Variants in ITPKA observed in about 807,000 individuals in gnomAD.
The protein encoded by ITPKA is inositol-trisphosphate 3-kinase A.
ITPKA carries 16 observed loss-of-function variants against 40.7 expected under a neutral mutation model. The ratio of observed to expected loss-of-function variants is 0.39; its 90% confidence interval spans 0.27 to 0.60. The LOEUF (loss-of-function observed/expected upper bound fraction) is 0.60. Among genes scored for constraint, ITPKA ranks in the 20% least tolerant of loss-of-function variants. The probability of loss-of-function intolerance (pLI) is 0.50; values close to 1 mark genes in which losing one functional copy is unlikely to be tolerated. For missense variants in ITPKA, 540 were observed against 649.3 expected, an observed-to-expected ratio of 0.83 and a Z score of 1.83; for synonymous variants, 313 against 289.9, an observed-to-expected ratio of 1.08 and a Z score of -0.81.
chr15:41,496,760 T>C (rs1279026489), intron 1 of ITPKA, among the ~76,000 whole-genome samples: 4 of 152,218 alleles, frequency 2.6e-5, no homozygotes, highest in African/African-American at 9.6e-5. Flanking sequence ...ACAGACTTCC[T>C]TTTTAAACAG....
chr15:41,503,073 C>T lies in ITPKA; in HGVS notation c.1293C>T (p.His431=). 1.9e-6 allele frequency: 3 copies of T among 1,608,920 alleles called. No individual in the cohort carries two copies. Among genetic ancestry groups the T allele is most frequent in the South Asian group, 1.1e-5 (1 of 90,938 alleles). ...TPLPDGQILD[H]RRPWEEGNRE... is the part of the protein sequence containing the mutation. ...TCCCCGATGGCCAGATCCTGGACCACCGGCGGCCCTGGGAGGAGGGCAACC... is the reference window on the plus strand; with the variant it reads ...TCCCCGATGGCCAGATCCTGGACCATCGGCGGCCCTGGGAGGAGGGCAACC... Residue 431 remains histidine (H), a synonymous_variant, in exon 7 of 7, where the codon CAC becomes CAT. Transcript: ENST00000260386.
chr15:41,502,202 G>T lies in ITPKA; in HGVS notation c.1008+1G>T. ...CGGCTTCCGCATCGAGGGCATCAAGGTGAGGCAGGCGCGCTTCGCTGGCAC... is the reference window on the plus strand; with the variant it reads ...CGGCTTCCGCATCGAGGGCATCAAGTTGAGGCAGGCGCGCTTCGCTGGCAC... On this transcript the variant is annotated splice_donor_variant, in intron 4 of 6. Coordinates refer to ENST00000260386, the MANE Select transcript of ITPKA (RefSeq NM_002220.3). LOFTEE classifies it high-confidence loss of function. 6.4e-7 allele frequency: 1 copy of T among 1,569,466 alleles called. No homozygotes were observed. The highest frequency in any genetic ancestry group is 8.6e-7 in the Non-Finnish European group (1 of 1,157,100).
Position 41,494,440 on chromosome 15 carries a change from A to T in ITPKA, c.489+24A>T, listed in dbSNP as rs746773192. On this transcript the variant is annotated intron_variant, in intron 1 of 6. Coordinates refer to ENST00000260386, the MANE Select transcript of ITPKA (RefSeq NM_002220.3). This position sits in a 1 kb window ranked among gnomAD's most constrained non-coding sequence, Gnocchi z 7.8. ...AGGTACGGGCCGCGGGGGCGGGGCC[A>T]GCGCCGGGCGCGGGGGCTGCACGGG... 1 of 1,383,520 alleles carries T rather than the reference A, an allele frequency of 7.2e-7. No individual in the cohort carries two copies. Among genetic ancestry groups the T allele is most frequent in the Non-Finnish European group, 9.4e-7 (1 of 1,066,472 alleles). The allele number at this position is 1,383,520 out of a possible 1,614,324, so 85.7% of individuals were successfully genotyped here.
Position 41,503,240 on chromosome 15 carries a change from G to T in ITPKA, c.*74G>T. On this transcript the variant is annotated 3_prime_UTR_variant, in exon 7 of 7. Coordinates refer to ENST00000260386, the MANE Select transcript of ITPKA (RefSeq NM_002220.3). ...AGCTTTGTCCCCACTGTGCATGCCG[G>T]CTTGAGACTGGAGCCCCGCGGTGCA... is the stretch of plus-strand genomic sequence containing the variant. 8.7e-7 allele frequency: 1 copy of T among 1,147,814 alleles called. No individual in the cohort carries two copies. The highest frequency in any genetic ancestry group is 1.2e-6 in the Non-Finnish European group (1 of 815,474). 71.1% of individuals were successfully genotyped at this position (1,147,814 alleles called of 1,614,324 possible). A position where few individuals can be genotyped will look rare whatever the true frequency, so the allele number is the denominator to read the frequency against.
chr15:41,500,825 T>C (rs372343601), intron 1 of ITPKA, among the ~76,000 whole-genome samples: 206 of 151,980 alleles, frequency 1.4e-3, no homozygotes, highest in African/African-American at 4.5e-3. Flanking sequence ...CTGACCAATA[T>C]GGTGAAACCC....
Position 41,502,175 on chromosome 15 carries a change from C to T in ITPKA, c.982C>T (p.Leu328Phe), listed in dbSNP as rs2051118276. 6.3e-7 allele frequency: 1 copy of T among 1,587,298 alleles called. No homozygotes were observed. Among genetic ancestry groups the T allele is most frequent in the African/African-American group, 1.3e-5 (1 of 74,500 alleles). Residue 328 changes from leucine (L) to phenylalanine (F), a missense_variant, in exon 4 of 7, where the codon CTC becomes TTC. Leu to Phe is a conservative substitution (Grantham distance 22, BLOSUM62 0). Transcript: ENST00000260386. ...WREGISSSTT[L>F]GFRIEGIKKA... ...GGAAGGCATCAGCTCCAGCACCACCCTCGGCTTCCGCATCGAGGGCATCAA... is the reference window on the plus strand; with the variant it reads ...GGAAGGCATCAGCTCCAGCACCACCTTCGGCTTCCGCATCGAGGGCATCAA...
rs1291469677 is a variant in ITPKA, at chr15:41,503,434, A to C, written c.*268A>C. The C allele has an allele frequency of 3.3e-6, 2 of 602,212 alleles. No individual in the cohort carries two copies. Among genetic ancestry groups the C allele is most frequent in the African/African-American group, 1.8e-5 (1 of 54,640 alleles). 37.3% of individuals were successfully genotyped at this position (602,212 alleles called of 1,614,324 possible). ...CTTCCTCAGGCCAGCTCTTCTGAGG[A>C]GGCTCTGCCCTCTCCAGAGGTGCCA... On this transcript the variant is annotated 3_prime_UTR_variant, in exon 7 of 7. Coordinates refer to ENST00000260386, the MANE Select transcript of ITPKA (RefSeq NM_002220.3).
intron 6 of ITPKA, 29 bp from the exon 7 acceptor site, chr15:41,502,934 G>GC (rs767459035): frequency 1.9e-6 from 3 of 1,597,392 alleles, no homozygotes; most frequent in Non-Finnish European, 2.6e-6. Context: ...TCTGGGCAGG[G>GC]CCGCGGCCTG....
rs2051139350 is a variant in ITPKA at position 41,503,394 on chromosome 15, G to C, written c.*228G>C. ...AATGACACTAACTTATAGAAGGGGA[G>C]GGGGCAAAGGGCTTCTTCCTCAGGC... is the stretch of plus-strand genomic sequence containing the variant. On this transcript the variant is annotated 3_prime_UTR_variant, in exon 7 of 7. Coordinates refer to ENST00000260386, the MANE Select transcript of ITPKA (RefSeq NM_002220.3). 1 of 590,612 alleles carries C rather than the reference G, an allele frequency of 1.7e-6. No homozygotes were observed. The highest frequency in any genetic ancestry group is 2.9e-5 in the East Asian group (1 of 34,798). The allele number at this position is 590,612 out of a possible 1,614,324, so 36.6% of individuals were successfully genotyped here.
intron 1 of ITPKA, among the ~76,000 whole-genome samples, chr15:41,501,085 C>G (rs574594923): frequency 6.7e-6 from 1 of 149,994 alleles, no homozygotes; most frequent in South Asian, 2.1e-4. Context: ...GCCTGATAAT[C>G]TGCAATTTTT....
Position 41,503,248 on chromosome 15 carries a change from C to G in ITPKA, c.*82C>G. ...CCCCACTGTGCATGCCGGCTTGAGA[C>G]TGGAGCCCCGCGGTGCAGGGCAGTT... On this transcript the variant is annotated 3_prime_UTR_variant, in exon 7 of 7. Transcript: ENST00000260386. The G allele has an allele frequency of 9.3e-7, 1 of 1,072,664 alleles. No homozygotes were observed. The highest frequency in any genetic ancestry group is 1.6e-5 in the South Asian group (1 of 62,606). 66.4% of individuals were successfully genotyped at this position (1,072,664 alleles called of 1,614,324 possible).
Position 41,494,003 on chromosome 15 carries a change from G to C in ITPKA, c.76G>C (p.Ala26Pro). ...GCCCTGCAGCCCGGGGCTGGAGCGG[G>C]CCCCGCGCCGGAGTGTCGGGGAGCT... Reference protein sequence around the residue: ...ARPCSPGLERAPRRSVGELRL... With the variant: ...ARPCSPGLERPPRRSVGELRL... The change falls in exon 1 of 7, where the codon GCC (alanine) becomes CCC (proline). Residue 26 changes from alanine to proline, a missense_variant. Ala to Pro is a conservative substitution (Grantham distance 27). Transcript: ENST00000260386. This position sits in a 1 kb window ranked among gnomAD's most constrained non-coding sequence, Gnocchi z 7.8. 1 of 1,164,040 alleles carries C rather than the reference G, an allele frequency of 8.6e-7. No homozygotes were observed. Among genetic ancestry groups the C allele is most frequent in the Non-Finnish European group, 1.1e-6 (1 of 944,746 alleles). 72.1% of individuals were successfully genotyped at this position (1,164,040 alleles called of 1,614,324 possible).
chr15:41,501,519 C>G lies in ITPKA; in HGVS notation c.546C>G (p.Phe182Leu). 1 of 1,592,788 alleles carries G rather than the reference C, an allele frequency of 6.3e-7. No homozygotes were observed. The highest frequency in any genetic ancestry group is 8.5e-7 in the Non-Finnish European group (1 of 1,176,862). ...TMVNLPVISP[F>L]KKRYAWVQLA... ...TCAATCTGCCGGTCATAAGCCCTTT[C>G]AAGAAGCGCTACGCCTGGGTGCAGC... is the stretch of plus-strand genomic sequence containing the variant. The change falls in exon 2 of 7, where the codon TTC (phenylalanine) becomes TTG (leucine). Residue 182 changes from phenylalanine (F) to leucine (L), a missense_variant. Coordinates refer to ENST00000260386, the MANE Select transcript of ITPKA (RefSeq NM_002220.3).
Position 41,493,990 on chromosome 15 carries a change from G to T in ITPKA, c.63G>T (p.Pro21=). The part of the protein sequence containing the change: ...ARPGGARPCS[P]GLERAPRRSV... ...CGGGGGGCGCGAGGCCCTGCAGCCCGGGGCTGGAGCGGGCCCCGCGCCGGA... is the reference window on the plus strand; with the variant it reads ...CGGGGGGCGCGAGGCCCTGCAGCCCTGGGCTGGAGCGGGCCCCGCGCCGGA... Residue 21 remains proline, a synonymous_variant, in exon 1 of 7, where the codon CCG becomes CCT. Coordinates refer to ENST00000260386, the MANE Select transcript of ITPKA (RefSeq NM_002220.3). 1 of 1,126,774 alleles carries T rather than the reference G, an allele frequency of 8.9e-7. No homozygotes were observed. The highest frequency in any genetic ancestry group is 4.3e-5 in the South Asian group (1 of 23,200). 69.8% of individuals were successfully genotyped at this position (1,126,774 alleles called of 1,614,324 possible).
At chr15:41,501,963 C>G (rs202136385) in intron 3 of ITPKA, 34 bp from the exon 4 acceptor site, 1 of 1,603,664 alleles carries the variant, frequency 6.2e-7, no homozygotes. Flanking sequence ...GTGTGCGCCC[C>G]CTCATGCCCT....
chr15:41,496,620 T>A (rs2051074165), intron 1 of ITPKA, among the ~76,000 whole-genome samples: 1 of 152,218 alleles, frequency 6.6e-6, no homozygotes, highest in South Asian at 2.1e-4. Context: ...AGAGGGTGTT[T>A]GGCTCCTGTT....
chr15:41,496,262 G>A (rs1297708165), intron 1 of ITPKA, among the ~76,000 whole-genome samples: 2 of 152,260 alleles, frequency 1.3e-5, no homozygotes, highest in African/African-American at 4.8e-5. Context: ...GGCTGGTCCG[G>A]CTGACCGTGA....
chr15:41,498,261 G>T (rs1281418332), intron 1 of ITPKA, among the ~76,000 whole-genome samples: 4 of 146,208 alleles, frequency 2.7e-5, no homozygotes, highest in Non-Finnish European at 1.5e-5. Context: ...AGCTGTGATC[G>T]CACCACTGGA....
intron 1 of ITPKA, among the ~76,000 whole-genome samples, chr15:41,496,130 T>C (rs1048859492): frequency 4.6e-5 from 7 of 152,232 alleles, no homozygotes; most frequent in Non-Finnish European, 8.8e-5. Flanking sequence ...CCAGGGGCTG[T>C]TGACAGAGGC....
Sources: gnomAD v4.1 joint callset for allele counts (sites outside exome capture counted in the v4.1 genomes callset) on GRCh38, gnomAD v4.1.1 for gene constraint, Gnocchi (gnomAD v3.1) non-coding constraint, MANE v1.5 for transcripts, NCBI Gene and HGNC (gene_info 2026-07-23, HGNC 2026-07-21) for gene names.